Variants in PLPPR1 observed in about 807,000 individuals in gnomAD.
The protein encoded by PLPPR1 is phospholipid phosphatase related 1.
A neutral mutation model predicts 33.1 loss-of-function variants in PLPPR1; 10 were observed. That is an observed-to-expected ratio of 0.30 (90% confidence interval 0.19 to 0.51). The LOEUF is 0.51. Ranked by LOEUF, PLPPR1 falls within the 20% of genes least tolerant of loss-of-function variation. The pLI is 0.97. For missense variants in PLPPR1, 304 were observed against 408.1 expected (o/e 0.74, Z 2.20); for synonymous variants, 151 against 151.0 (o/e 1.00, Z 0.00).
chr9:101,286,765 A>G (rs1023215804), intron 4 of PLPPR1, among the ~76,000 whole-genome samples: 49 of 152,198 alleles, frequency 3.2e-4, no homozygotes, highest in African/African-American at 1.2e-3. Flanking sequence ...CCCTCCTTCT[A>G]GGACTTTTAT....
intron 4 of PLPPR1, among the ~76,000 whole-genome samples, chr9:101,294,384 C>A (rs1419117577): frequency 2.6e-4 from 40 of 151,940 alleles, no homozygotes; most frequent in Admixed American, 2.6e-3. Context: ...CAAGGAGGAA[C>A]TGGTATCATT....
At chr9:101,144,862 T>A (rs756781143) in intron 1 of PLPPR1, among the ~76,000 whole-genome samples, 13 of 152,196 alleles carry the variant, frequency 8.5e-5, no homozygotes, top group Admixed American at 3.3e-4. Flanking sequence ...CTCATTCACT[T>A]ATATAATAGT....
chr9:101,152,880 G>A (rs1415032492), intron 1 of PLPPR1, among the ~76,000 whole-genome samples: 24 of 152,130 alleles, frequency 1.6e-4, no homozygotes, highest in Non-Finnish European at 5.9e-5. Context: ...TTGGCAATGC[G>A]GGCTCTTTTT....
intron 1 of PLPPR1, among the ~76,000 whole-genome samples, chr9:101,151,609 G>A (rs929861449): frequency 1.3e-5 from 2 of 152,152 alleles, no homozygotes; most frequent in Non-Finnish European, 1.5e-5. Context: ...TACCAATGAA[G>A]CCTCCTGTGT....
At chr9:101,185,157 G>T (rs1375478556) in intron 1 of PLPPR1, 1 of 239,326 alleles carries the variant, frequency 4.2e-6, no homozygotes, top group African/African-American at 2.2e-5. Context: ...GTCTACTGGG[G>T]TAAGGCACTA....
chr9:101,320,527 G>A (rs1465999150), intron 7 of PLPPR1, among the ~76,000 whole-genome samples: 5 of 152,180 alleles, frequency 3.3e-5, no homozygotes, highest in Non-Finnish European at 7.3e-5. Flanking sequence ...ACGGAAAGTA[G>A]AGATTTATAA....
chr9:101,253,023 TAA>T (rs1374665062), intron 2 of PLPPR1, among the ~76,000 whole-genome samples: 10 of 152,066 alleles, frequency 6.6e-5, no homozygotes, highest in East Asian at 1.9e-4. Context: ...AGATTTGAGA[TAA>T]GTGTGATTTT....
chr9:101,156,573 AG>A (rs67040585), intron 1 of PLPPR1, among the ~76,000 whole-genome samples: 3,564 of 92,108 alleles, frequency 0.039, 216 homozygotes, highest in African/African-American at 0.09. Context: ...AAAAAAAAAA[AG>A]AAAGAAAGAA....
intron 1 of PLPPR1, among the ~76,000 whole-genome samples, chr9:101,085,617 T>A (rs1441725029): frequency 6.6e-6 from 1 of 152,044 alleles, no homozygotes; most frequent in Non-Finnish European, 1.5e-5. Flanking sequence ...ATAGAAAAAA[T>A]TCAATTCTTA....
At chr9:101,171,204 G>A (rs968199045) in intron 1 of PLPPR1, among the ~76,000 whole-genome samples, 1 of 152,130 alleles carries the variant, frequency 6.6e-6, no homozygotes, top group East Asian at 1.9e-4. Context: ...AGGATTAGAG[G>A]GAGAATGAGG....
At chr9:101,149,656 A>G (rs887794901) in intron 1 of PLPPR1, among the ~76,000 whole-genome samples, 13 of 152,162 alleles carry the variant, frequency 8.5e-5, no homozygotes, top group Admixed American at 7.2e-4. Flanking sequence ...ACGTTGTCAT[A>G]TATCTTCTAT....
chr9:101,081,694 T>G (rs1487442388), intron 1 of PLPPR1, among the ~76,000 whole-genome samples: 1 of 152,222 alleles, frequency 6.6e-6, no homozygotes, highest in African/African-American at 2.4e-5. Flanking sequence ...ATCGACATGG[T>G]CCAATTCTGT....
At chr9:101,193,016 A>G (rs1226776169) in intron 2 of PLPPR1, among the ~76,000 whole-genome samples, 1 of 152,116 alleles carries the variant, frequency 6.6e-6, no homozygotes, top group African/African-American at 2.4e-5. Context: ...AGCACCCTTT[A>G]TCCTTGTCTT....
chr9:101,261,936 C>G (rs1827905991), intron 2 of PLPPR1, among the ~76,000 whole-genome samples: 2 of 151,978 alleles, frequency 1.3e-5, no homozygotes, highest in Non-Finnish European at 2.9e-5. Flanking sequence ...ACACATTTAC[C>G]TATGTAACAA....
chr9:101,185,656 G>A (rs1826191401), intron 2 of PLPPR1, 99 bp downstream of exon 2: 1 of 718,722 alleles, frequency 1.4e-6, no homozygotes, highest in Non-Finnish European at 2.3e-6. Context: ...TTTATGATTG[G>A]TAAGTCAATT....
chr9:101,276,513 A>G (rs1257749491), intron 3 of PLPPR1, among the ~76,000 whole-genome samples: 1 of 152,144 alleles, frequency 6.6e-6, no homozygotes, highest in Non-Finnish European at 1.5e-5. Flanking sequence ...GAACTTGACA[A>G]TTTGTTTCTT....
At chr9:101,029,387 G>T (rs187577080) in intron 1 of PLPPR1, among the ~76,000 whole-genome samples, 1 of 152,308 alleles carries the variant, frequency 6.6e-6, no homozygotes, top group East Asian at 1.9e-4. Context: ...GACAAAGGGG[G>T]CGTGGAGGCT....
chr9:101,168,374 T>A lies in PLPPR1; in HGVS notation c.-45-17076T>A, dbSNP rs2417244. Among the ~76,000 whole-genome samples, 18 of 151,952 alleles carry A rather than the reference T, an allele frequency of 1.2e-4. No individual in the cohort carries two copies. The East Asian group carries it at 2.9e-3, about 25-fold the overall frequency. ...TAACCCTAATTTCATACCATAGATA[T>A]GATATGGGATGTTCTGTTCCATACT... On this transcript the variant is annotated intron_variant, in intron 1 of 7. Transcript: ENST00000374874.
intron 4 of PLPPR1, among the ~76,000 whole-genome samples, chr9:101,303,807 A>G (rs1271514262): frequency 6.6e-6 from 1 of 152,204 alleles, no homozygotes; most frequent in Non-Finnish European, 1.5e-5. Context: ...GTTTCCCCAC[A>G]TGAAAATGTA....
Sources: gnomAD v4.1 joint callset for allele counts (sites outside exome capture counted in the v4.1 genomes callset) on GRCh38, gnomAD v4.1.1 for gene constraint, MANE v1.5 for transcripts, NCBI Gene and HGNC (gene_info 2026-07-23, HGNC 2026-07-21) for gene names.